Variants in ZBTB46 observed in about 807,000 individuals in gnomAD.
The protein encoded by ZBTB46 is zinc finger and BTB domain containing 46.
In ZBTB46, 8 loss-of-function variants were observed where a neutral mutation model predicts 44.1. The observed-to-expected ratio is 0.18, with a 90% CI of 0.11 to 0.33. The LOEUF is 0.33. ZBTB46 is among the 10% of genes least tolerant of loss of function. The pLI is 1.00. For synonymous variants in ZBTB46, 409 were observed against 382.3 expected (o/e 1.07, Z -0.81); for missense variants, 651 against 847.7 (o/e 0.77, Z 2.88).
intron 1 of ZBTB46, among the ~76,000 whole-genome samples, chr20:63,809,704 G>C (rs1005677430): frequency 2.0e-5 from 3 of 152,226 alleles, no homozygotes; most frequent in African/African-American, 7.2e-5. Context: ...GCTCATGCCT[G>C]AAATCCCAAC....
chr20:63,832,052 G>A (rs556798159), upstream of ZBTB46, among the ~76,000 whole-genome samples: 672 of 151,920 alleles, frequency 4.4e-3, 2 homozygotes, highest in African/African-American at 0.015. This position sits in a 1 kb window ranked among gnomAD's most constrained non-coding sequence, Gnocchi z 5.0. Context: ...GGGCACCGGC[G>A]GCCGCGCGTG....
chr20:63,774,055 G>GCCCCCCCC (rs565005627), intron 3 of ZBTB46, among the ~76,000 whole-genome samples: 1 of 7,094 alleles, frequency 1.4e-4, no homozygotes, highest in African/African-American at 5.4e-4. Context: ...GGCACCCCCC[G>GCCCCCCCC]CCCCCCCCCC....
chr20:63,806,074 C>T (rs1322254689), intron 1 of ZBTB46, among the ~76,000 whole-genome samples: 1 of 151,590 alleles, frequency 6.6e-6, no homozygotes, highest in African/African-American at 2.4e-5. Flanking sequence ...CATGCCCGGC[C>T]CCAACTTTTA....
chr20:63,747,088 G>T lies in ZBTB46; in HGVS notation c.1612C>A (p.Pro538Thr), dbSNP rs928283523. The T allele has an allele frequency of 1.2e-6, 2 of 1,609,280 alleles. No homozygotes were observed. The highest frequency in any genetic ancestry group is 2.2e-5 in the East Asian group (1 of 44,774). ...FPGDGPYLED[P>T]EDPRGEAEEL... ...TCCGCCTCCCCTCGTGGGTCCTCAG[G>T]GTCCTCCAGATAGGGCCCGTCGCCT... Residue 538 changes from proline (P) to threonine (T), a missense_variant, in exon 5 of 5, where the codon CCT becomes ACT. Physicochemically the swap from Pro to Thr is conservative, Grantham distance 38. Coordinates refer to ENST00000245663, the MANE Select transcript of ZBTB46 (RefSeq NM_001369741.1).
At chr20:63,799,093 T>A (rs2092624807) in intron 1 of ZBTB46, among the ~76,000 whole-genome samples, 1 of 150,510 alleles carries the variant, frequency 6.6e-6, no homozygotes, top group Admixed American at 6.6e-5. Flanking sequence ...TGCAGTGGCA[T>A]GATCAGGGCT....
intron 3 of ZBTB46, among the ~76,000 whole-genome samples, chr20:63,753,221 G>A (rs111813909): frequency 5.3e-5 from 8 of 152,288 alleles, no homozygotes; most frequent in African/African-American, 1.7e-4. Flanking sequence ...AGACCCCACT[G>A]GGCATGTGTG....
chr20:63,775,645 C>T, intron 3 of ZBTB46, 33 bp downstream of exon 3: 1 of 1,526,740 alleles, frequency 6.5e-7, no homozygotes, highest in Non-Finnish European at 8.8e-7. Context: ...AAAACCACAC[C>T]AAAGCCAAGC....
rs1179034243 is a variant in ZBTB46, at chr20:63,803,681, C to T, written c.-33-12891G>A. Among the ~76,000 whole-genome samples, 2 of 152,262 alleles carry T rather than the reference C, an allele frequency of 1.3e-5. No homozygotes were observed. The highest frequency in any genetic ancestry group is 2.1e-4 in the South Asian group (1 of 4,826). Reference sequence around the variant, plus strand: ...GCTCTGACGCCCAGGCCGCCTCCTCCGCCTTCCCGAACCTGGCTACCGTCA... The same window carrying T: ...GCTCTGACGCCCAGGCCGCCTCCTCTGCCTTCCCGAACCTGGCTACCGTCA... On this transcript the variant is annotated intron_variant, in intron 1 of 4. Transcript: ENST00000245663. This position sits in a 1 kb window ranked among gnomAD's most constrained non-coding sequence, Gnocchi z 4.0.
At chr20:63,762,827 T>C (rs1048533315) in intron 3 of ZBTB46, among the ~76,000 whole-genome samples, 3 of 152,192 alleles carry the variant, frequency 2.0e-5, no homozygotes, top group African/African-American at 7.2e-5. Context: ...CTGACTTTCT[T>C]TTTGGTTAGT....
chr20:63,809,778 A>G (rs1244493640), intron 1 of ZBTB46, among the ~76,000 whole-genome samples: 1 of 152,160 alleles, frequency 6.6e-6, no homozygotes, highest in African/African-American at 2.4e-5. Flanking sequence ...CCTGGGCAAC[A>G]TGGTGAGACC....
At chr20:63,764,165 G>A (rs761337071) in intron 3 of ZBTB46, among the ~76,000 whole-genome samples, 26 of 152,076 alleles carry the variant, frequency 1.7e-4, no homozygotes, top group South Asian at 4.1e-4. Context: ...GGCCAAGCAC[G>A]GTGGCTCATG....
At position 63,747,572 on chromosome 20, in the gene ZBTB46, G is replaced by A. The variant is rs1365776345; in HGVS notation, c.1399-271C>T. Among the ~76,000 whole-genome samples, 4 of 145,138 alleles carry A rather than the reference G, an allele frequency of 2.8e-5. No homozygotes were observed. The East Asian group carries it at 8.3e-4, about 30-fold the overall frequency. ...CGGGGGTGAGCAGGGCCCGGTTGGGGTTGGGGGGGCACAGCCTCCCGGGCC... is the reference window on the plus strand; with the variant it reads ...CGGGGGTGAGCAGGGCCCGGTTGGGATTGGGGGGGCACAGCCTCCCGGGCC... On this transcript the variant is annotated intron_variant, in intron 4 of 4. Transcript: ENST00000245663.
At chr20:63,775,406 G>GT in intron 3 of ZBTB46, 1 of 393,330 alleles carries the variant, frequency 2.5e-6, no homozygotes, top group Non-Finnish European at 4.5e-6. Flanking sequence ...CGACTCCTGT[G>GT]AGAAACATTC....
chr20:63,758,923 G>GA (rs1406000460), intron 3 of ZBTB46, among the ~76,000 whole-genome samples: 1 of 634 alleles, frequency 1.6e-3, no homozygotes, highest in East Asian at 0.17. Context: ...TAATAGAGAC[G>GA]GGTTTCACTG....
chr20:63,792,733 G>GT (rs1490635906), intron 1 of ZBTB46, among the ~76,000 whole-genome samples: 8 of 152,268 alleles, frequency 5.3e-5, no homozygotes, highest in Non-Finnish European at 8.8e-5. Context: ...GGCCAGGCTG[G>GT]TTTCAAACTC....
At chr20:63,783,661 C>T (rs1042285258) in intron 2 of ZBTB46, among the ~76,000 whole-genome samples, 2 of 152,152 alleles carry the variant, frequency 1.3e-5, no homozygotes, top group African/African-American at 4.8e-5. Context: ...TCAAGCTTCC[C>T]AGGACAGGAC....
chr20:63,809,983 A>G (rs2092708713), intron 1 of ZBTB46, among the ~76,000 whole-genome samples: 1 of 151,772 alleles, frequency 6.6e-6, no homozygotes, highest in South Asian at 2.1e-4. Flanking sequence ...AAGAAAAGAA[A>G]ACTCTAAATA....
intron 1 of ZBTB46, among the ~76,000 whole-genome samples, chr20:63,806,674 C>A (rs997631542): frequency 3.3e-5 from 5 of 151,922 alleles, no homozygotes; most frequent in Admixed American, 2.0e-4. Flanking sequence ...AACGGTGCGA[C>A]CTTGGCTCAC....
intron 1 of ZBTB46, among the ~76,000 whole-genome samples, chr20:63,793,661 T>TCACAGAAGCAGCGGC (rs1188769657): frequency 0.083 from 12,654 of 151,558 alleles, 888 homozygotes; most frequent in African/African-American, 0.18. Context: ...GCCAGAGATT[T>TCACAGAAGCAGCGGC]TATAGAAGCA....
Sources: gnomAD v4.1 joint callset for allele counts (sites outside exome capture counted in the v4.1 genomes callset) on GRCh38, gnomAD v4.1.1 for gene constraint, Gnocchi (gnomAD v3.1) non-coding constraint, MANE v1.5 for transcripts, NCBI Gene and HGNC (gene_info 2026-07-23, HGNC 2026-07-21) for gene names.